Variants in PMS1 observed in about 807,000 individuals in gnomAD.
PMS1 encodes the protein PMS1 protein homolog 1.
In PMS1, 79 loss-of-function variants were observed where a neutral mutation model predicts 93.1. The ratio of observed to expected loss-of-function variants is 0.85; its 90% confidence interval spans 0.71 to 1.02. The LOEUF is 1.02. Among genes scored for constraint, PMS1 ranks in the 50% least tolerant of loss-of-function variants. The probability of loss-of-function intolerance (pLI) is 0.00; values close to 1 mark genes in which losing one functional copy is unlikely to be tolerated. For synonymous variants in PMS1, 335 were observed against 363.4 expected, an observed-to-expected ratio of 0.92 and a Z score of 0.89; for missense variants, 1,064 against 1,085.3, an observed-to-expected ratio of 0.98 and a Z score of 0.28.
intron 5 of PMS1, among the ~76,000 whole-genome samples, chr2:189,827,449 T>G (rs1353802525): frequency 6.6e-6 from 1 of 152,220 alleles, no homozygotes; most frequent in Non-Finnish European, 1.5e-5. Flanking sequence ...CATTTCTTTC[T>G]TAGAAAATTG....
intron 1 of PMS1, among the ~76,000 whole-genome samples, chr2:189,788,024 A>G (rs1007914612): frequency 6.6e-6 from 1 of 152,142 alleles, no homozygotes; most frequent in African/African-American, 2.4e-5. Context: ...GTAAACTAGA[A>G]GAATGAGGAA....
chr2:189,865,827 G>T (rs1230461029), intron 10 of PMS1, among the ~76,000 whole-genome samples: 1 of 152,238 alleles, frequency 6.6e-6, no homozygotes, highest in Non-Finnish European at 1.5e-5. Flanking sequence ...AGTTTAAAAA[G>T]ATAATTTGTT....
chr2:189,797,740 C>T (rs891914786), intron 3 of PMS1, among the ~76,000 whole-genome samples: 18 of 152,188 alleles, frequency 1.2e-4, no homozygotes, highest in African/African-American at 3.9e-4. Flanking sequence ...CCCTTCTGGT[C>T]TTTGGACATC....
At chr2:189,809,415 A>G (rs557861287) in intron 4 of PMS1, among the ~76,000 whole-genome samples, 21 of 121,158 alleles carry the variant, frequency 1.7e-4, no homozygotes, top group African/African-American at 5.6e-4. Context: ...TTATTGGCCA[A>G]TATTACTTGG....
chr2:189,838,544 G>C (rs777875161), intron 5 of PMS1, among the ~76,000 whole-genome samples: 10 of 151,976 alleles, frequency 6.6e-5, no homozygotes, highest in Non-Finnish European at 1.3e-4. Flanking sequence ...CAGTTTCCCA[G>C]GTCAGAAATC....
intron 5 of PMS1, among the ~76,000 whole-genome samples, chr2:189,836,226 T>C (rs1448727765): frequency 1.3e-5 from 2 of 152,230 alleles, no homozygotes; most frequent in African/African-American, 2.4e-5. Context: ...AAGTAGCGTA[T>C]GTCAGTGAGG....
At chr2:189,790,592 C>A (rs1559207958) in intron 1 of PMS1, among the ~76,000 whole-genome samples, 1 of 152,068 alleles carries the variant, frequency 6.6e-6, no homozygotes, top group Non-Finnish European at 1.5e-5. Context: ...TCTTAAATGT[C>A]CATAATAATA....
chr2:189,863,934 A>AGT lies in PMS1; in HGVS notation c.2049_2050dup (p.Ser684CysfsTer21). On this transcript the variant is annotated frameshift_variant, in exon 10 of 13. Transcript: ENST00000441310. LOFTEE classifies it high-confidence loss of function. ...CAACCAAAACTTGATGAACTCCTTC[A>AGT]GTCCCAAATTGAAAAAAGAAGGAGT... 1.2e-6 allele frequency: 2 copies of AGT among 1,611,218 alleles called. No homozygotes were observed. The highest frequency in any genetic ancestry group is 1.7e-6 in the Non-Finnish European group (2 of 1,178,150).
chr2:189,785,536 T>C (rs1286071431), intron 1 of PMS1: 1 of 152,250 alleles, frequency 6.6e-6, no homozygotes, highest in Non-Finnish European at 1.5e-5. Context: ...TTCCAGGGGC[T>C]ATGCTAGCGA....
At chr2:189,864,384 G>T (rs776176151) in intron 10 of PMS1, 156 bp downstream of exon 10, 17 of 643,698 alleles carry the variant, frequency 2.6e-5, no homozygotes, top group South Asian at 2.5e-4. Flanking sequence ...TAGGCCGGGC[G>T]CAGTGGCTCA....
chr2:189,840,954 G>A (rs2053773668), intron 5 of PMS1, among the ~76,000 whole-genome samples: 1 of 152,132 alleles, frequency 6.6e-6, no homozygotes, highest in Non-Finnish European at 1.5e-5. Context: ...CGTATCACAA[G>A]GCCATGGGGG....
chr2:189,842,765 A>T (rs2053920406), intron 5 of PMS1, among the ~76,000 whole-genome samples: 1 of 152,086 alleles, frequency 6.6e-6, no homozygotes, highest in African/African-American at 2.4e-5. Flanking sequence ...TTTGATTAGT[A>T]ATTAGCTATA....
intron 12 of PMS1, among the ~76,000 whole-genome samples, chr2:189,875,864 G>A (rs2057513801): frequency 6.7e-6 from 1 of 149,780 alleles, no homozygotes. Context: ...GAGTGAGGCA[G>A]GAGAACTGCT....
Position 189,854,412 on chromosome 2 carries a change from T to C in PMS1, c.1140T>C (p.Tyr380=). 2 of 1,606,618 alleles carry C rather than the reference T, an allele frequency of 1.2e-6. No individual in the cohort carries two copies. The highest frequency in any genetic ancestry group is 1.7e-6 in the Non-Finnish European group (2 of 1,174,996). Residue 380 remains tyrosine, a synonymous_variant, in exon 9 of 13, where the codon TAT becomes TAC. Coordinates refer to ENST00000441310, the MANE Select transcript of PMS1 (RefSeq NM_000534.5). ...AAGTGGAATCATCTGGAAAGAATTA[T>C]TCAAATGTTGATACTTCAGTCATTC... The part of the protein sequence containing the change: ...FNKVESSGKN[Y]SNVDTSVIPF...
chr2:189,850,872 G>A (rs1363289200), intron 6 of PMS1, among the ~76,000 whole-genome samples: 2 of 152,128 alleles, frequency 1.3e-5, no homozygotes, highest in South Asian at 2.1e-4. Flanking sequence ...TGAAGTAGAA[G>A]CCTGCTTATA....
intron 9 of PMS1, 37 bp from the exon 10 acceptor site, chr2:189,863,706 T>G (rs768185950): frequency 1.4e-6 from 2 of 1,452,992 alleles, no homozygotes; most frequent in East Asian, 4.5e-5. Context: ...TATTTCTGAT[T>G]ATGATCTCAT....
At chr2:189,803,029 A>G (rs968279862) in intron 3 of PMS1, among the ~76,000 whole-genome samples, 2 of 152,190 alleles carry the variant, frequency 1.3e-5, no homozygotes, top group Non-Finnish European at 2.9e-5. Context: ...CAATACTTGC[A>G]CAGGCAGGCA....
chr2:189,798,871 T>G (rs1255783316), intron 3 of PMS1, among the ~76,000 whole-genome samples: 1 of 152,072 alleles, frequency 6.6e-6, no homozygotes, highest in African/African-American at 2.4e-5. Flanking sequence ...CTGCAAGATA[T>G]ATATGTAACC....
intron 5 of PMS1, among the ~76,000 whole-genome samples, chr2:189,828,421 A>G (rs543490513): frequency 6.6e-6 from 1 of 152,332 alleles, no homozygotes; most frequent in South Asian, 2.1e-4. Context: ...ATCACATTGT[A>G]CCTCATAAAT....
Sources: gnomAD v4.1 joint callset for allele counts (sites outside exome capture counted in the v4.1 genomes callset) on GRCh38, gnomAD v4.1.1 for gene constraint, MANE v1.5 for transcripts, NCBI Gene and HGNC (gene_info 2026-07-23, HGNC 2026-07-21) for gene names.